Variants in APBA2 observed in about 807,000 individuals in gnomAD.
The protein encoded by APBA2 is amyloid-beta A4 precursor protein-binding family A member 2.
Under a neutral mutation model 75.0 loss-of-function variants are expected in APBA2, and 30 were observed. That is an observed-to-expected ratio of 0.40 (90% CI 0.30 to 0.54). APBA2 has a LOEUF of 0.54. Among genes scored for constraint, APBA2 ranks in the 20% least tolerant of loss-of-function variants. APBA2 has a pLI of 0.49. For synonymous variants in APBA2, 444 were observed against 409.6 expected, an observed-to-expected ratio of 1.08 and a Z score of -1.01; for missense variants, 801 against 1,016.1, an observed-to-expected ratio of 0.79 and a Z score of 2.88.
At chr15:29,107,820 C>T (rs1239738978) in intron 12 of APBA2, among the ~76,000 whole-genome samples, 1 of 152,210 alleles carries the variant, frequency 6.6e-6, no homozygotes, top group African/African-American at 2.4e-5. Context: ...CACTCCCTGC[C>T]CTGCAGGAGG....
At chr15:29,115,502 C>G (rs1038644831) in intron 14 of APBA2, among the ~76,000 whole-genome samples, 5 of 152,096 alleles carry the variant, frequency 3.3e-5, no homozygotes, top group African/African-American at 1.2e-4. Context: ...GCGGCCGCCC[C>G]CACGGCCAGC....
At position 29,053,599 on chromosome 15, in the gene APBA2, C is replaced by G. The variant is rs569687737; in HGVS notation, c.-40-246C>G. Among the ~76,000 whole-genome samples, 5 of 152,212 alleles carry G rather than the reference C, an allele frequency of 3.3e-5. No individual in the cohort carries two copies. The South Asian group carries it at 1.0e-3, about 32-fold the overall frequency. On this transcript the variant is annotated intron_variant, in intron 3 of 14. Coordinates refer to ENST00000683413, the MANE Select transcript of APBA2 (RefSeq NM_001353788.2). Reference sequence around the variant, plus strand: ...GTTCCTGGGGAGAGGCGTGTGTCCTCGTGAGTTGCCGGTGCCTCCCTTGAC... The same window carrying G: ...GTTCCTGGGGAGAGGCGTGTGTCCTGGTGAGTTGCCGGTGCCTCCCTTGAC...
intron 2 of APBA2, among the ~76,000 whole-genome samples, chr15:28,938,833 A>G (rs1297844197): frequency 6.6e-6 from 1 of 152,232 alleles, no homozygotes; most frequent in Admixed American, 6.5e-5. Flanking sequence ...TAATATAAGC[A>G]TATACATTAT....
chr15:29,080,349 G>A (rs1274707385), intron 6 of APBA2, among the ~76,000 whole-genome samples: 4 of 152,226 alleles, frequency 2.6e-5, no homozygotes, highest in African/African-American at 9.6e-5. Context: ...AGTGGGTGAG[G>A]AAGAACCTTC....
intron 4 of APBA2, among the ~76,000 whole-genome samples, chr15:29,056,760 G>A (rs921427703): frequency 6.6e-6 from 1 of 151,550 alleles, no homozygotes; most frequent in Non-Finnish European, 1.5e-5. Context: ...CCTGGTGCCA[G>A]GGGCCCTGAC....
chr15:29,115,196 TC>T (rs1433172163), intron 14 of APBA2, among the ~76,000 whole-genome samples: 1 of 119,234 alleles, frequency 8.4e-6, no homozygotes, highest in Admixed American at 1.3e-4. Context: ...TCTGTGGTGC[TC>T]CCCCTGGTGG....
At chr15:29,058,891 A>G (rs1056890634) in intron 4 of APBA2, among the ~76,000 whole-genome samples, 5 of 151,684 alleles carry the variant, frequency 3.3e-5, no homozygotes, top group African/African-American at 1.2e-4. Context: ...TTTTCAAATC[A>G]AAGAGACAAA....
intron 2 of APBA2, among the ~76,000 whole-genome samples, chr15:28,986,355 C>T (rs1234936789): frequency 1.3e-5 from 2 of 152,194 alleles, no homozygotes; most frequent in African/African-American, 4.8e-5. Flanking sequence ...TGGTCACTTC[C>T]TGTCATCCAG....
intron 3 of APBA2, among the ~76,000 whole-genome samples, chr15:29,018,849 C>T: frequency 6.6e-6 from 1 of 152,172 alleles, no homozygotes; most frequent in East Asian, 1.9e-4. Flanking sequence ...AACCTGGGCC[C>T]CCACTTGCTG....
chr15:28,917,788 T>C (rs1396591447), intron 1 of APBA2, among the ~76,000 whole-genome samples: 1 of 152,222 alleles, frequency 6.6e-6, no homozygotes, highest in Non-Finnish European at 1.5e-5. Context: ...TAGTTGCTTT[T>C]TGTCTTATTA....
At chr15:28,940,788 A>G (rs1386263181) in intron 2 of APBA2, among the ~76,000 whole-genome samples, 1 of 152,218 alleles carries the variant, frequency 6.6e-6, no homozygotes, top group Non-Finnish European at 1.5e-5. Context: ...CGGGAAATGT[A>G]CAAGTTGAAC....
At chr15:29,011,933 T>C (rs919292338) in intron 3 of APBA2, among the ~76,000 whole-genome samples, 2 of 152,350 alleles carry the variant, frequency 1.3e-5, no homozygotes, top group East Asian at 1.9e-4. Flanking sequence ...TTTCGTAAAA[T>C]CTAGTTTGTC....
intron 2 of APBA2, among the ~76,000 whole-genome samples, chr15:28,979,805 C>T (rs1008949942): frequency 6.6e-6 from 1 of 152,154 alleles, no homozygotes; most frequent in Non-Finnish European, 1.5e-5. Context: ...TCTGGGTCCT[C>T]ATGCTCAGGT....
chr15:28,999,814 G>T (rs74007032), intron 3 of APBA2, among the ~76,000 whole-genome samples: 292 of 152,262 alleles, frequency 1.9e-3, no homozygotes, highest in African/African-American at 6.6e-3. Context: ...GCATGATATG[G>T]CATCTGGGAA....
chr15:28,944,486 C>A (rs1430861542), intron 2 of APBA2, among the ~76,000 whole-genome samples: 6 of 152,238 alleles, frequency 3.9e-5, no homozygotes, highest in African/African-American at 1.4e-4. Flanking sequence ...GGACACCTTC[C>A]CAGGCTGGGT....
At chr15:28,968,377 C>T (rs945890642) in intron 2 of APBA2, among the ~76,000 whole-genome samples, 1 of 152,068 alleles carries the variant, frequency 6.6e-6, no homozygotes, top group Non-Finnish European at 1.5e-5. Context: ...ACTATCTGTC[C>T]CTGTCTTTTC....
In APBA2 at chr15:28,918,170, G is replaced by A. The variant is rs542014204; in HGVS notation, c.-204-3470G>A. Among the ~76,000 whole-genome samples the A allele has an allele frequency of 3.4e-4, 52 of 152,224 alleles. No individual in the cohort carries two copies. The highest frequency in any genetic ancestry group is 6.9e-4 in the Non-Finnish European group (47 of 68,042). On this transcript the variant is annotated intron_variant, in intron 1 of 14. Coordinates refer to ENST00000683413, the MANE Select transcript of APBA2 (RefSeq NM_001353788.2). This position sits in a 1 kb window ranked among gnomAD's most constrained non-coding sequence, Gnocchi z 4.2. ...GGTGGTCTGCTTTGAGTTTTGCAGC[G>A]TTGCCTGCGGTCTCCGTGGGTGAGG... is the stretch of plus-strand genomic sequence containing the variant.
intron 1 of APBA2, among the ~76,000 whole-genome samples, chr15:28,913,144 G>A (rs578134883): frequency 6.6e-6 from 1 of 152,326 alleles, no homozygotes; most frequent in East Asian, 1.9e-4. Context: ...AAACTTCTGG[G>A]CCAAAAGGGG....
At chr15:28,914,807 A>T (rs1206239166) in intron 1 of APBA2, among the ~76,000 whole-genome samples, 1 of 151,860 alleles carries the variant, frequency 6.6e-6, no homozygotes, top group Non-Finnish European at 1.5e-5. Flanking sequence ...TTCTGAGCTG[A>T]TGGGGGCCTG....
Sources: gnomAD v4.1 joint callset for allele counts (sites outside exome capture counted in the v4.1 genomes callset) on GRCh38, gnomAD v4.1.1 for gene constraint, Gnocchi (gnomAD v3.1) non-coding constraint, MANE v1.5 for transcripts, NCBI Gene and HGNC (gene_info 2026-07-23, HGNC 2026-07-21) for gene names.